Variants in GRM5 observed in about 807,000 individuals in gnomAD.
GRM5 encodes the protein metabotropic glutamate receptor 5.
A neutral mutation model predicts 83.1 loss-of-function variants in GRM5; 19 were observed. That is an observed-to-expected ratio of 0.23 (90% CI 0.16 to 0.34). The LOEUF is 0.34. GRM5 is among the 10% of genes least tolerant of loss of function. The pLI is 1.00. For missense variants in GRM5, 1,160 were observed against 1,588.3 expected, an observed-to-expected ratio of 0.73 and a Z score of 4.58; for synonymous variants, 675 against 633.6, an observed-to-expected ratio of 1.07 and a Z score of -0.98.
At chr11:88,678,897 A>G (rs1940405506) in intron 3 of GRM5, among the ~76,000 whole-genome samples, 1 of 152,052 alleles carries the variant, frequency 6.6e-6, no homozygotes, top group South Asian at 2.1e-4. Context: ...TGGTAAAAAG[A>G]AGCTTGACTC....
At chr11:88,669,229 C>T (rs745536157) in intron 3 of GRM5, among the ~76,000 whole-genome samples, 1 of 152,032 alleles carries the variant, frequency 6.6e-6, no homozygotes, top group Non-Finnish European at 1.5e-5. Flanking sequence ...GCTTAATTTA[C>T]CACATTAACA....
At chr11:89,050,994 G>C (rs1941746696) in intron 1 of GRM5, among the ~76,000 whole-genome samples, 1 of 152,044 alleles carries the variant, frequency 6.6e-6, no homozygotes, top group African/African-American at 2.4e-5. Flanking sequence ...GATAACCGGT[G>C]AATACTTGAC....
chr11:88,789,948 G>A (rs1279967530), intron 3 of GRM5, among the ~76,000 whole-genome samples: 2 of 152,000 alleles, frequency 1.3e-5, no homozygotes, highest in Non-Finnish European at 2.9e-5. Context: ...TCTGCCTCCC[G>A]GGTTCAAGCA....
intron 1 of GRM5, among the ~76,000 whole-genome samples, chr11:89,054,586 G>C (rs1387130581): frequency 1.3e-5 from 2 of 152,118 alleles, no homozygotes; most frequent in African/African-American, 4.8e-5. Flanking sequence ...TTAAATCACC[G>C]AGGAAGTGGA....
At chr11:88,658,998 G>C (rs989850003) in intron 3 of GRM5, among the ~76,000 whole-genome samples, 1 of 152,144 alleles carries the variant, frequency 6.6e-6, no homozygotes, top group African/African-American at 2.4e-5. Context: ...TGACAGATTA[G>C]AGCTGTCGGA....
intron 8 of GRM5, among the ~76,000 whole-genome samples, chr11:88,536,750 G>C (rs7123566): frequency 0.031 from 4,688 of 152,214 alleles, 241 homozygotes; most frequent in African/African-American, 0.1. Context: ...GAAAATATAT[G>C]AGGTAGAATG....
At chr11:88,710,447 G>T (rs1381441529) in intron 3 of GRM5, among the ~76,000 whole-genome samples, 1 of 152,050 alleles carries the variant, frequency 6.6e-6, no homozygotes, top group Non-Finnish European at 1.5e-5. Flanking sequence ...GCAGACCTGG[G>T]ATTAAATCAT....
At chr11:88,691,281 ATAATT>A in intron 3 of GRM5, among the ~76,000 whole-genome samples, 1 of 152,322 alleles carries the variant, frequency 6.6e-6, no homozygotes, top group Middle Eastern at 3.4e-3. Flanking sequence ...ACATTTTTAC[ATAATT>A]TAATTATTGT....
At chr11:88,632,644 T>C (rs1449468482) in intron 4 of GRM5, among the ~76,000 whole-genome samples, 3 of 152,240 alleles carry the variant, frequency 2.0e-5, no homozygotes, top group African/African-American at 7.2e-5. Context: ...TTAGGTTTTT[T>C]GGCGTTTGAG....
In GRM5 at chr11:88,508,961, G is replaced by T; in HGVS notation, c.3270C>A (p.Gly1090=). 1 of 1,590,592 alleles carries T rather than the reference G, an allele frequency of 6.3e-7. No homozygotes were observed. Among genetic ancestry groups the T allele is most frequent in the Non-Finnish European group, 8.6e-7 (1 of 1,168,670 alleles). Residue 1090 remains glycine (G), a synonymous_variant, in exon 10 of 10, where the codon GGC becomes GGA. Coordinates refer to ENST00000305447, the MANE Select transcript of GRM5 (RefSeq NM_001143831.3). The surrounding 1 kb of genome is among the most constrained non-coding windows in gnomAD (Gnocchi z 4.2). The stretch of plus-strand genomic sequence containing the variant: ...TCAGGTAGGACGAGCAGAGCGGGGC[G>T]CCGACGCCGGGGCTGGGGGCCGCGG... ...LSTAAPSPGV[G]APLCSSYLIP...
chr11:88,611,012 T>A (rs1323448858), intron 4 of GRM5, among the ~76,000 whole-genome samples: 1 of 152,178 alleles, frequency 6.6e-6, no homozygotes, highest in African/African-American at 2.4e-5. Context: ...ATGTGGTAAA[T>A]CACATTTATT....
chr11:88,613,163 G>A (rs903451402), intron 4 of GRM5, among the ~76,000 whole-genome samples: 1 of 152,148 alleles, frequency 6.6e-6, no homozygotes, highest in African/African-American at 2.4e-5. Flanking sequence ...CGAGAAGAAT[G>A]TATATTCTGT....
intron 3 of GRM5, among the ~76,000 whole-genome samples, chr11:88,776,332 T>C (rs1177848595): frequency 6.6e-6 from 1 of 152,206 alleles, no homozygotes; most frequent in Non-Finnish European, 1.5e-5. Context: ...CCTGTGTGTG[T>C]CTTTGCATGT....
intron 3 of GRM5, among the ~76,000 whole-genome samples, chr11:88,841,109 T>G (rs551875918): frequency 3.2e-4 from 48 of 152,334 alleles, no homozygotes; most frequent in Non-Finnish European, 4.9e-4. Context: ...GTTAGCTTAC[T>G]CCTTCCTGCC....
At chr11:88,595,415 C>T (rs1167044166) in intron 6 of GRM5, among the ~76,000 whole-genome samples, 1 of 152,044 alleles carries the variant, frequency 6.6e-6, no homozygotes, top group Non-Finnish European at 1.5e-5. Flanking sequence ...CCTTCCCTTC[C>T]TACCCTCTAG....
chr11:88,735,061 ATCTTAAGATCTT>A (rs1425345232), intron 3 of GRM5, among the ~76,000 whole-genome samples: 1 of 149,396 alleles, frequency 6.7e-6, no homozygotes, highest in Non-Finnish European at 1.5e-5. Flanking sequence ...AAATAAACCT[ATCTTAAGATCTT>A]AAGCTAGTCC....
intron 4 of GRM5, among the ~76,000 whole-genome samples, chr11:88,627,605 G>A (rs1283078815): frequency 1.3e-5 from 2 of 152,024 alleles, no homozygotes; most frequent in Non-Finnish European, 2.9e-5. Context: ...CTCATCTTCT[G>A]TACCTCAATC....
chr11:89,011,214 A>C (rs1940688256), intron 2 of GRM5, among the ~76,000 whole-genome samples: 1 of 152,042 alleles, frequency 6.6e-6, no homozygotes, highest in Non-Finnish European at 1.5e-5. Context: ...TTTTTCTTTT[A>C]AAACTTCTGT....
At chr11:88,761,520 G>A (rs1942514582) in intron 3 of GRM5, among the ~76,000 whole-genome samples, 1 of 151,944 alleles carries the variant, frequency 6.6e-6, no homozygotes. Flanking sequence ...TCTACAAGGA[G>A]AATTACAAAA....
Sources: gnomAD v4.1 joint callset for allele counts (sites outside exome capture counted in the v4.1 genomes callset) on GRCh38, gnomAD v4.1.1 for gene constraint, Gnocchi (gnomAD v3.1) non-coding constraint, MANE v1.5 for transcripts, NCBI Gene and HGNC (gene_info 2026-07-23, HGNC 2026-07-21) for gene names.